The following PDS5B variants were observed in gnomAD, a reference collection of about 807,000 sequenced individuals.
The protein encoded by PDS5B is PDS5 cohesin associated factor B, also known as sister chromatid cohesion protein PDS5 homolog B.
Under a neutral mutation model 184.1 loss-of-function variants are expected in PDS5B, and 51 were observed. The observed-to-expected ratio is 0.28, with a 90% CI of 0.22 to 0.35. The LOEUF (loss-of-function observed/expected upper bound fraction) is 0.35. PDS5B is among the 10% of genes least tolerant of loss of function. PDS5B has a pLI of 1.00. For missense variants in PDS5B, 1,180 were observed against 1,723.3 expected, an observed-to-expected ratio of 0.68 and a Z score of 5.58; for synonymous variants, 566 against 569.2, an observed-to-expected ratio of 0.99 and a Z score of 0.08.
chr13:32,701,473 G>C (rs373292125), intron 17 of PDS5B, 35 bp downstream of exon 17: 9 of 1,226,076 alleles, frequency 7.3e-6, no homozygotes, highest in South Asian at 5.1e-5. Context: ...TCTCATTGCT[G>C]TTCATTAATG....
At chr13:32,718,086 A>G (rs749302172) in intron 19 of PDS5B, among the ~76,000 whole-genome samples, 7 of 152,274 alleles carry the variant, frequency 4.6e-5, no homozygotes, top group East Asian at 1.9e-4. Context: ...TATGTTTACA[A>G]TTTATTATAT....
At chr13:32,610,911 C>T (rs1566245507) in intron 1 of PDS5B, among the ~76,000 whole-genome samples, 1 of 151,988 alleles carries the variant, frequency 6.6e-6, no homozygotes, top group Non-Finnish European at 1.5e-5. Context: ...TACCATGCTG[C>T]CTTTAGTTCA....
intron 3 of PDS5B, among the ~76,000 whole-genome samples, chr13:32,652,851 A>G (rs1399716785): frequency 6.6e-6 from 1 of 152,174 alleles, no homozygotes; most frequent in South Asian, 2.1e-4. Context: ...GTAAAACTAT[A>G]TAAATGCAAA....
chr13:32,774,132 A>G (rs1954882766), intron 34 of PDS5B, among the ~76,000 whole-genome samples: 3 of 152,156 alleles, frequency 2.0e-5, no homozygotes, highest in Admixed American at 2.0e-4. Context: ...ATAAATAAAT[A>G]ACTTTACCAG....
chr13:32,660,106 C>A (rs1950604600), intron 6 of PDS5B, among the ~76,000 whole-genome samples: 1 of 151,880 alleles, frequency 6.6e-6, no homozygotes, highest in African/African-American at 2.4e-5. Context: ...AGTCAGCTGC[C>A]ATCTTGCTCC....
chr13:32,684,607 C>T (rs1951335099), intron 11 of PDS5B, among the ~76,000 whole-genome samples: 1 of 152,190 alleles, frequency 6.6e-6, no homozygotes, highest in Admixed American at 6.5e-5. Context: ...GTGTTTCATA[C>T]TGCATGGAAT....
At chr13:32,758,747 C>A (rs952741618) in intron 28 of PDS5B, 94 bp downstream of exon 28, 5 of 1,216,876 alleles carry the variant, frequency 4.1e-6, no homozygotes, top group Non-Finnish European at 5.9e-6. Flanking sequence ...GGAAAAATTG[C>A]TGTGAGTCTT....
At chr13:32,701,106 A>T (rs1951849316) in intron 16 of PDS5B, 1 of 403,534 alleles carries the variant, frequency 2.5e-6, no homozygotes, top group South Asian at 3.2e-5. Flanking sequence ...AATACAGTGT[A>T]TTGACTAGTC....
intron 33 of PDS5B, among the ~76,000 whole-genome samples, chr13:32,772,075 C>T (rs993945171): frequency 1.3e-5 from 2 of 151,732 alleles, no homozygotes; most frequent in East Asian, 3.9e-4. Context: ...TTTTCTTGTT[C>T]TGACCTCAGT....
chr13:32,650,757 T>C (rs1950348043), intron 2 of PDS5B: 1 of 152,218 alleles, frequency 6.6e-6, no homozygotes, highest in Non-Finnish European at 1.5e-5. Flanking sequence ...GAGGCTGCTC[T>C]GTGAGGAGCA....
chr13:32,594,112 A>G (rs1306791421), intron 1 of PDS5B, among the ~76,000 whole-genome samples: 1 of 152,246 alleles, frequency 6.6e-6, no homozygotes, highest in Admixed American at 6.5e-5. Flanking sequence ...GTACAATTAT[A>G]TGCTGGTTAA....
chr13:32,667,769 A>C lies in PDS5B; in HGVS notation c.630A>C (p.Leu210Phe), dbSNP rs1032700199. The part of the protein sequence containing the change: ...LVNLVPAHKN[L>F]NKQAYDLAKA... ...ATATTGTTTATGTTTTTCAGAATTT[A>C]AACAAGCAAGCATATGATTTGGCAA... is the stretch of plus-strand genomic sequence containing the variant. The change falls in exon 7 of 35, where the codon TTA becomes TTC. Residue 210 changes from leucine to phenylalanine, a missense_variant. By Grantham distance (22) the Leu-to-Phe change is conservative (BLOSUM62 0). Transcript: ENST00000315596. 1 of 1,586,008 alleles carries C rather than the reference A, an allele frequency of 6.3e-7. No homozygotes were observed. The highest frequency in any genetic ancestry group is 8.6e-7 in the Non-Finnish European group (1 of 1,165,904).
intron 18 of PDS5B, among the ~76,000 whole-genome samples, chr13:32,707,993 A>G (rs187596141): frequency 5.4e-4 from 82 of 152,102 alleles, no homozygotes; most frequent in African/African-American, 1.9e-3. Flanking sequence ...TACCATTGCT[A>G]TGGCAATACC....
rs1476009463 is a variant in PDS5B at position 32,776,553 on chromosome 13, T to C, written c.*1501T>C. 6.6e-6 allele frequency: 1 copy of C among 152,098 alleles called. No individual in the cohort carries two copies. The highest frequency in any genetic ancestry group is 1.5e-5 in the Non-Finnish European group (1 of 67,950). The allele number at this position is 152,098 out of a possible 1,614,324, so 9.4% of individuals were successfully genotyped here. A position where few individuals can be genotyped will look rare whatever the true frequency, so the allele number is the denominator to read the frequency against. On this transcript the variant is annotated 3_prime_UTR_variant, in exon 35 of 35. Transcript: ENST00000315596. ...TACTTAATGCTTACCTAATTTCATT[T>C]TAGTATTTTAGGTGCTGTTATGTTT...
At chr13:32,676,932 C>CAAAAAAAAAAAAAAAAAAAAAAA (rs4057303) in intron 9 of PDS5B, among the ~76,000 whole-genome samples, 1 of 78,796 alleles carries the variant, frequency 1.3e-5, no homozygotes, top group African/African-American at 5.1e-5. Flanking sequence ...CTCTTGTCTC[C>CAAAAAAAAAAAAAAAAAAAAAAA]AAAAAAAAAA....
chr13:32,669,939 T>TGGA (rs1950890942), intron 7 of PDS5B, among the ~76,000 whole-genome samples: 1 of 152,168 alleles, frequency 6.6e-6, no homozygotes, highest in Admixed American at 6.5e-5. Flanking sequence ...GACTTAATCG[T>TGGA]CTTGTAGTAG....
chr13:32,770,238 C>G lies in PDS5B; in HGVS notation c.3742C>G (p.Arg1248Gly). 1 of 1,613,528 alleles carries G rather than the reference C, an allele frequency of 6.2e-7. No individual in the cohort carries two copies. The highest frequency in any genetic ancestry group is 1.1e-5 in the South Asian group (1 of 91,026). Residue 1248 changes from arginine (R) to glycine (G), a missense_variant, in exon 32 of 35, where the codon CGA becomes GGA. Coordinates refer to ENST00000315596, the MANE Select transcript of PDS5B (RefSeq NM_015032.4). The part of the protein sequence containing the change: ...VQEQKPKGSQ[R>G]SRKRGHTASE... ...GGAACAGAAACCTAAAGGCAGTCAG[C>G]GAAGTCGGAAAAGAGGCCATACGGC...
At chr13:32,708,067 A>G (rs920147501) in intron 18 of PDS5B, among the ~76,000 whole-genome samples, 1 of 87,884 alleles carries the variant, frequency 1.1e-5, no homozygotes, top group Middle Eastern at 4.9e-3. Context: ...CCCGTTCCCT[A>G]GGAATTTCTG....
At chr13:32,683,315 ATTTTTTT>A (rs529817272) in intron 10 of PDS5B, among the ~76,000 whole-genome samples, 39 of 119,906 alleles carry the variant, frequency 3.3e-4, no homozygotes, top group Middle Eastern at 5.6e-3. Flanking sequence ...GGCCTTTAAA[ATTTTTTT>A]TTTTTTTTTT....
Sources: allele counts gnomAD v4.1 joint callset (sites outside exome capture counted in the v4.1 genomes callset), GRCh38; gene constraint gnomAD v4.1.1; transcripts MANE v1.5; gene names NCBI Gene and HGNC (gene_info 2026-07-23, HGNC 2026-07-21).